The following PCDH10 variants were observed in gnomAD, a reference collection of about 807,000 sequenced individuals.
PCDH10 encodes protocadherin 10, also known as protocadherin-10.
Under a neutral mutation model 74.4 loss-of-function variants are expected in PCDH10, and 15 were observed. That is an observed-to-expected ratio of 0.20 (90% CI 0.13 to 0.31). The LOEUF is 0.31. Ranked by LOEUF, PCDH10 falls within the 10% of genes least tolerant of loss-of-function variation. The pLI is 1.00. For synonymous variants in PCDH10, 619 were observed against 589.8 expected (o/e 1.05, Z -0.72); for missense variants, 1,260 against 1,390.2 (o/e 0.91, Z 1.49).
Position 133,150,338 on chromosome 4 carries a change from C to T in PCDH10, c.198C>T (p.Leu66=). ...ACTCAAGGACCCCTTACTTAGACCT[C>T]AACCTGGAGACAGGGGTGCTGTACG... ...VPNSRTPYLD[L]NLETGVLYVN... Residue 66 remains leucine (L), a synonymous_variant, in exon 1 of 5, where the codon CTC becomes CTT. Coordinates refer to ENST00000264360, the MANE Select transcript of PCDH10 (RefSeq NM_032961.3). The T allele has an allele frequency of 6.2e-7, 1 of 1,613,678 alleles. No individual in the cohort carries two copies. Among genetic ancestry groups the T allele is most frequent in the Non-Finnish European group, 8.5e-7 (1 of 1,179,808 alleles).
intron 4 of PCDH10, among the ~76,000 whole-genome samples, chr4:133,175,653 TC>T (rs1727282550): frequency 6.6e-6 from 1 of 152,082 alleles, no homozygotes; most frequent in Admixed American, 6.6e-5. Context: ...GGGAATTAGA[TC>T]AACTTACTTG....
intron 3 of PCDH10, among the ~76,000 whole-genome samples, chr4:133,161,672 A>G (rs1726973917): frequency 6.6e-6 from 1 of 151,766 alleles, no homozygotes. Context: ...TTTTCTACAG[A>G]CTAATAATAT....
chr4:133,191,559 T>C lies in PCDH10; in HGVS notation c.*1399T>C, dbSNP rs916855565. The C allele has an allele frequency of 6.6e-6, 1 of 152,178 alleles. No homozygotes were observed. Among genetic ancestry groups the C allele is most frequent in the African/African-American group, 2.4e-5 (1 of 41,414 alleles). The allele number at this position is 152,178 out of a possible 1,614,324, so 9.4% of individuals were successfully genotyped here. On this transcript the variant is annotated 3_prime_UTR_variant, in exon 5 of 5. Transcript: ENST00000264360. ...ACTTTTATGTCAACAATATTAATTA[T>C]TAAATTTAGTAAGACGCACTTTCCT... is the stretch of plus-strand genomic sequence containing the variant.
chr4:133,155,786 G>A (rs1726852562), intron 3 of PCDH10, among the ~76,000 whole-genome samples: 2 of 152,062 alleles, frequency 1.3e-5, no homozygotes, highest in African/African-American at 4.8e-5. Flanking sequence ...AGTTTTATGA[G>A]ATCCTGGTAA....
intron 4 of PCDH10, among the ~76,000 whole-genome samples, chr4:133,181,768 A>T (rs1368455012): frequency 1.3e-5 from 2 of 152,064 alleles, no homozygotes; most frequent in Admixed American, 1.3e-4. Flanking sequence ...GAAGTAACTG[A>T]ATTATGTTAG....
exon 3 of PCDH10, chr4:133,208,266 A>T (rs1226082163): frequency 6.6e-6 from 1 of 152,192 alleles, no homozygotes; most frequent in Non-Finnish European, 1.5e-5. Flanking sequence ...CTGCACTAAA[A>T]TTTTTGAACC....
At chr4:133,174,749 A>C (rs1727260120) in intron 4 of PCDH10, among the ~76,000 whole-genome samples, 1 of 151,662 alleles carries the variant, frequency 6.6e-6, no homozygotes, top group African/African-American at 2.4e-5. Context: ...AATTAAGCTA[A>C]TGATTGAGGA....
intron 1 of PCDH10, chr4:133,153,337 G>A: frequency 1.2e-6 from 1 of 853,822 alleles, no homozygotes; most frequent in Non-Finnish European, 1.4e-6. Flanking sequence ...AAAGCCTTCA[G>A]TTCGGCTCTG....
chr4:133,198,369 A>G (rs1727834776), downstream of PCDH10, among the ~76,000 whole-genome samples: 1 of 152,202 alleles, frequency 6.6e-6, no homozygotes, highest in African/African-American at 2.4e-5. Flanking sequence ...TAAAACAAGG[A>G]AAAAAGTAAT....
At chr4:133,173,435 C>T (rs973646028) in intron 4 of PCDH10, among the ~76,000 whole-genome samples, 2 of 152,094 alleles carry the variant, frequency 1.3e-5, no homozygotes, top group African/African-American at 4.8e-5. Flanking sequence ...GACATCGGTT[C>T]TTGCTCCTGA....
intron 2 of PCDH10, among the ~76,000 whole-genome samples, chr4:133,154,702 C>T (rs1008141453): frequency 1.3e-5 from 2 of 152,022 alleles, no homozygotes; most frequent in African/African-American, 4.8e-5. Context: ...AGAGTAATGC[C>T]TAAACTTTAC....
chr4:133,196,736 C>G (rs1168881585), downstream of PCDH10, among the ~76,000 whole-genome samples: 1 of 152,124 alleles, frequency 6.6e-6, no homozygotes, highest in Admixed American at 6.6e-5. Flanking sequence ...TGGCCTATGC[C>G]CAGGAGTGAA....
chr4:133,164,096 A>AAATT, intron 4 of PCDH10: 1 of 449,024 alleles, frequency 2.2e-6, no homozygotes, highest in Non-Finnish European at 4.5e-6. Context: ...TCAGCTTTTC[A>AAATT]AATTACTCAG....
chr4:133,185,010 G>A (rs1197220511), intron 4 of PCDH10, among the ~76,000 whole-genome samples: 2 of 148,176 alleles, frequency 1.3e-5, no homozygotes, highest in Non-Finnish European at 3.0e-5. Context: ...TGAATGAAGA[G>A]TGCTTTTAAC....
intron 2 of PCDH10, among the ~76,000 whole-genome samples, chr4:133,201,670 A>G (rs1034575330): frequency 6.6e-6 from 1 of 152,108 alleles, no homozygotes; most frequent in African/African-American, 2.4e-5. Flanking sequence ...CCGCCTGACC[A>G]ACACAGAGAA....
At chr4:133,161,734 T>A (rs2125862648) in intron 3 of PCDH10, among the ~76,000 whole-genome samples, 1 of 151,866 alleles carries the variant, frequency 6.6e-6, no homozygotes, top group Non-Finnish European at 1.5e-5. Context: ...TTATTTTTTC[T>A]TTTTTTAAAA....
chr4:133,194,743 T>C (rs987528833), downstream of PCDH10: 1 of 151,928 alleles, frequency 6.6e-6, no homozygotes, highest in South Asian at 2.1e-4. Context: ...ATAACAGGTC[T>C]AAGGGGACAT....
downstream of PCDH10, among the ~76,000 whole-genome samples, chr4:133,196,886 T>A (rs1727806283): frequency 6.6e-6 from 1 of 152,212 alleles, no homozygotes; most frequent in African/African-American, 2.4e-5. Flanking sequence ...TTTTCAACAT[T>A]TAACCACTGA....
Position 133,150,361 on chromosome 4 carries a change from A to T in PCDH10, c.221A>T (p.Tyr74Phe). Residue 74 changes from tyrosine to phenylalanine, a missense_variant, in exon 1 of 5, where the codon TAC (tyrosine) becomes TTC (phenylalanine). Around this residue, in one of 11 missense-constraint regions of PCDH10, gnomAD observed 103 missense variants for 91.5 expected, o/e 1.13. Transcript: ENST00000264360. ...LDLNLETGVL[Y>F]VNEKIDREQI... Reference sequence around the variant, plus strand: ...CTCAACCTGGAGACAGGGGTGCTGTACGTGAACGAGAAAATAGACCGCGAA... The same window carrying T: ...CTCAACCTGGAGACAGGGGTGCTGTTCGTGAACGAGAAAATAGACCGCGAA... 1 of 1,613,960 alleles carries T rather than the reference A, an allele frequency of 6.2e-7. No homozygotes were observed. The highest frequency in any genetic ancestry group is 8.5e-7 in the Non-Finnish European group (1 of 1,179,952).
Sources: gnomAD v4.1 joint callset for allele counts (sites outside exome capture counted in the v4.1 genomes callset) on GRCh38, gnomAD v4.1.1 for gene constraint, gnomAD v4.1.1 regional missense constraint, MANE v1.5 for transcripts, NCBI Gene and HGNC (gene_info 2026-07-23, HGNC 2026-07-21) for gene names.